ABCC6: variants seen among roughly 807,000 people sequenced by gnomAD.
The protein encoded by ABCC6 is ATP-binding cassette sub-family C member 6.
A neutral mutation model predicts 169.5 loss-of-function variants in ABCC6; 126 were observed. The observed-to-expected ratio is 0.74, with a 90% CI of 0.64 to 0.86. The LOEUF (loss-of-function observed/expected upper bound fraction) is 0.86. Ranked by LOEUF, ABCC6 falls within the 40% of genes least tolerant of loss-of-function variation. The pLI is 0.00. For missense variants in ABCC6, 1,733 were observed against 1,927.2 expected (o/e 0.90, Z 1.89); for synonymous variants, 752 against 814.7 (o/e 0.92, Z 1.31).
chr16:16,177,236 T>A (rs981752446), intron 19 of ABCC6, among the ~76,000 whole-genome samples: 2 of 152,232 alleles, frequency 1.3e-5, no homozygotes, highest in Non-Finnish European at 2.9e-5. Flanking sequence ...GTGTATTTTT[T>A]ACAGAAGCAC....
rs150145577 is a variant in ABCC6 at position 16,159,499 on chromosome 16, C to A, written c.3718G>T (p.Ala1240Ser). 2.5e-6 allele frequency: 4 copies of A among 1,613,950 alleles called. No homozygotes were observed. The African/African-American group carries it at 5.3e-5, about 22-fold the overall frequency. Residue 1240 changes from alanine to serine, a missense_variant, in exon 26 of 31, where the codon GCC becomes TCC. Ala to Ser is a moderately conservative substitution (Grantham distance 99, BLOSUM62 1). This residue lies in a region of ABCC6 where 1,601 missense variants were observed against 1,635.5 expected (regional missense o/e 0.98). Transcript: ENST00000205557. Reference sequence around the variant, plus strand: ...CCCATCACCTCCTTGGGCGTCCAGGCATAGTCCTGCATCCGCTCCACTGAC... The same window carrying A: ...CCCATCACCTCCTTGGGCGTCCAGGAATAGTCCTGCATCCGCTCCACTGAC... Reference protein sequence around the residue: ...IVSVERMQDYAWTPKEAPWRL... With the variant: ...IVSVERMQDYSWTPKEAPWRL...
At chr16:16,170,926 AAAAAAAAAAAAAAAAG>A (rs1353892152) in intron 21 of ABCC6, among the ~76,000 whole-genome samples, 1 of 115,220 alleles carries the variant, frequency 8.7e-6, no homozygotes, top group African/African-American at 3.1e-5. Context: ...TCTCAAAAAA[AAAAAAAAAAAAAAAAG>A]AAAGAAAGAA....
At chr16:16,187,954 A>C (rs915045337) in intron 13 of ABCC6, among the ~76,000 whole-genome samples, 1 of 151,488 alleles carries the variant, frequency 6.6e-6, no homozygotes, top group African/African-American at 2.4e-5. Flanking sequence ...TAAGGCGGCC[A>C]GGCGCGGTGG....
chr16:16,195,015 T>C (rs2047986557), intron 10 of ABCC6, among the ~76,000 whole-genome samples: 1 of 152,036 alleles, frequency 6.6e-6, no homozygotes, highest in Non-Finnish European at 1.5e-5. Context: ...GCCAGTTTGT[T>C]TCATTTATGC....
chr16:16,209,958 C>T (rs531027841), intron 6 of ABCC6, among the ~76,000 whole-genome samples: 15 of 149,138 alleles, frequency 1.0e-4, no homozygotes, highest in African/African-American at 3.0e-4. Flanking sequence ...CTCGAACTCC[C>T]GGCCTCAAGT....
At chr16:16,212,771 G>T (rs2048683556) in intron 5 of ABCC6, among the ~76,000 whole-genome samples, 1 of 152,058 alleles carries the variant, frequency 6.6e-6, no homozygotes, top group Admixed American at 6.5e-5. Flanking sequence ...TGGCTCAGAA[G>T]AACAACTATG....
At chr16:16,151,430 C>T (rs2046385447) in intron 29 of ABCC6, among the ~76,000 whole-genome samples, 1 of 152,112 alleles carries the variant, frequency 6.6e-6, no homozygotes, top group Admixed American at 6.6e-5. Context: ...TTATATTTCC[C>T]CCAACAGCGA....
In ABCC6 at chr16:16,157,750, G is replaced by A. The variant is rs114175094; in HGVS notation, c.3795C>T (p.Ile1265=). The A allele has an allele frequency of 2.5e-5, 40 of 1,613,846 alleles. No individual in the cohort carries two copies. In the African/African-American group the frequency reaches 3.6e-4, roughly 15 times the overall value. ...AQPPWPQGGQ[I]EFRDFGLRYR... is the part of the protein sequence containing the mutation. ...ATCTTAGCCCAAAGTCCCGGAACTC[G>A]ATCTGCCCGCCCTGAGGCCAGGGGG... Residue 1265 remains isoleucine (I), a synonymous_variant, in exon 27 of 31, where the codon ATC becomes ATT. Coordinates refer to ENST00000205557, the MANE Select transcript of ABCC6 (RefSeq NM_001171.6).
intron 2 of ABCC6, among the ~76,000 whole-genome samples, chr16:16,220,808 A>T (rs1410401429): frequency 4.0e-5 from 6 of 151,842 alleles, no homozygotes; most frequent in Non-Finnish European, 2.9e-5. Context: ...GAGGCAGGAG[A>T]ATCACTTGAA....
chr16:16,166,538 C>T (rs1022386530), intron 22 of ABCC6, among the ~76,000 whole-genome samples: 3 of 151,780 alleles, frequency 2.0e-5, no homozygotes, highest in Admixed American at 6.6e-5. Flanking sequence ...CGACTGCCGG[C>T]GACCACCAGA....
intron 17 of ABCC6, chr16:16,181,739 C>A (rs913913629): frequency 6.5e-6 from 1 of 154,046 alleles, no homozygotes; most frequent in African/African-American, 2.4e-5. Flanking sequence ...TTGAGACCAG[C>A]CTGGCCAACA....
chr16:16,217,680 G>A (rs1425884688), intron 4 of ABCC6, among the ~76,000 whole-genome samples: 2 of 152,206 alleles, frequency 1.3e-5, no homozygotes, highest in South Asian at 2.1e-4. Flanking sequence ...CAGTATTATT[G>A]TTTCTATGCT....
chr16:16,193,065 G>T lies in ABCC6; in HGVS notation c.1339-143C>A, dbSNP rs984076885. ...TGGGCTGCATTCCCAGACGGTTAGGGTATTGTAAGTCACAGGATGAGATAG... is the reference window on the plus strand; with the variant it reads ...TGGGCTGCATTCCCAGACGGTTAGGTTATTGTAAGTCACAGGATGAGATAG... On this transcript the variant is annotated intron_variant, in intron 10 of 30. Transcript: ENST00000205557. 15 of 679,238 alleles carry T rather than the reference G, an allele frequency of 2.2e-5. 1 individual carries two copies. Among genetic ancestry groups the T allele is most frequent in the African/African-American group, 1.4e-4 (8 of 55,620 alleles). The allele number at this position is 679,238 out of a possible 1,614,324, so 42.1% of individuals were successfully genotyped here. A position where few individuals can be genotyped will look rare whatever the true frequency, so the allele number is the denominator to read the frequency against.
At chr16:16,183,477 G>A (rs73524045) in intron 15 of ABCC6, among the ~76,000 whole-genome samples, 3,752 of 152,124 alleles carry the variant, frequency 0.025, 81 homozygotes, top group African/African-American at 0.054. Context: ...AAGTCAGATC[G>A]TGACACTTCC....
chr16:16,203,814 G>GGGCACTC (rs1271923238), intron 7 of ABCC6, among the ~76,000 whole-genome samples: 7 of 152,170 alleles, frequency 4.6e-5, no homozygotes, highest in Non-Finnish European at 7.3e-5. Flanking sequence ...CAGGGCAGGA[G>GGGCACTC]GGCACTCTGA....
chr16:16,167,191 A>G (rs2046904983), intron 22 of ABCC6, among the ~76,000 whole-genome samples: 1 of 152,220 alleles, frequency 6.6e-6, no homozygotes, highest in Non-Finnish European at 1.5e-5. Context: ...GGATGAACAC[A>G]TAACCCAAGT....
chr16:16,154,167 G>A (rs1352323401), intron 29 of ABCC6, among the ~76,000 whole-genome samples: 2 of 151,586 alleles, frequency 1.3e-5, no homozygotes, highest in African/African-American at 2.4e-5. Flanking sequence ...GACTAGTCTC[G>A]AACTCCTGGG....
At chr16:16,150,865 A>G (rs1415283885) in intron 29 of ABCC6, 93 bp from the exon 30 acceptor site, 6 of 1,547,114 alleles carry the variant, frequency 3.9e-6, no homozygotes, top group Admixed American at 1.9e-5. Context: ...GAAGCAGTGC[A>G]GGAGTGAGGT....
intron 12 of ABCC6, 144 bp downstream of exon 12, chr16:16,190,020 G>C: frequency 1.2e-6 from 1 of 823,760 alleles, no homozygotes; most frequent in Non-Finnish European, 2.0e-6. Flanking sequence ...AAGACAGCAG[G>C]GACCCAGAGA....
Sources: allele counts gnomAD v4.1 joint callset (sites outside exome capture counted in the v4.1 genomes callset), GRCh38; gene constraint gnomAD v4.1.1; regional missense constraint gnomAD v4.1.1; transcripts MANE v1.5; gene names NCBI Gene and HGNC (gene_info 2026-07-23, HGNC 2026-07-21).